Variants in NBAS observed in about 807,000 individuals in gnomAD.
The protein encoded by NBAS is NAG/BC035112 fusion.
A neutral mutation model predicts 302.5 loss-of-function variants in NBAS; 219 were observed. That is an observed-to-expected ratio of 0.72 (90% CI 0.65 to 0.81). The LOEUF is 0.81. NBAS is among the 30% of genes least tolerant of loss of function. The pLI, the probability that NBAS is intolerant of heterozygous loss-of-function variation, is 0.00. For synonymous variants in NBAS, 1,118 were observed against 1,021.6 expected (o/e 1.09, Z -1.80); for missense variants, 2,932 against 2,841.6 (o/e 1.03, Z -0.72).
At chr2:15,452,313 AG>A (rs1328111193) in intron 21 of NBAS, among the ~76,000 whole-genome samples, 1 of 152,220 alleles carries the variant, frequency 6.6e-6, no homozygotes, top group Non-Finnish European at 1.5e-5. Context: ...TATCATGGCC[AG>A]GATGGGCACG....
rs184335971 is a variant in NBAS at position 15,177,974 on chromosome 2, T to C, written c.6840+1014A>G. On this transcript the variant is annotated intron_variant, in intron 51 of 51. Transcript: ENST00000281513. ...TTTGATTTTCTCATTTTATTCATAA[T>C]GATTATTTCCAAATACAATTATATT... 1.7e-3 allele frequency: 550 copies of C among 326,784 alleles called. 2 individuals carry two copies. Among genetic ancestry groups the C allele is most frequent in the Middle Eastern group, 6.8e-3 (17 of 2,514 alleles). 20.2% of individuals were successfully genotyped at this position (326,784 alleles called of 1,614,324 possible).
At chr2:15,546,398 G>C (rs1002644222) in intron 6 of NBAS, among the ~76,000 whole-genome samples, 1 of 152,162 alleles carries the variant, frequency 6.6e-6, no homozygotes, top group African/African-American at 2.4e-5. Flanking sequence ...TGAGGATCCT[G>C]AATCACAATT....
At chr2:15,504,039 C>T (rs1661714228) in intron 11 of NBAS, 106 bp downstream of exon 11, 1 of 841,938 alleles carries the variant, frequency 1.2e-6, no homozygotes, top group Admixed American at 1.8e-5. Context: ...TGAATACACT[C>T]AGATGAAGAT....
chr2:15,499,737 C>A (rs939741368), intron 11 of NBAS, among the ~76,000 whole-genome samples: 1 of 152,036 alleles, frequency 6.6e-6, no homozygotes. Flanking sequence ...ATATAACAAA[C>A]CTGCACAGGT....
intron 44 of NBAS, among the ~76,000 whole-genome samples, chr2:15,273,004 T>C (rs765492011): frequency 7.2e-5 from 11 of 152,188 alleles, no homozygotes; most frequent in Admixed American, 6.5e-5. Flanking sequence ...TAATCATAAA[T>C]AAAAGATTGC....
chr2:15,224,992 G>A (rs955620200), intron 47 of NBAS, among the ~76,000 whole-genome samples: 9 of 152,138 alleles, frequency 5.9e-5, no homozygotes, highest in African/African-American at 1.4e-4. Flanking sequence ...AAATGGTACC[G>A]TAGTAATATA....
chr2:15,114,136 T>C, the NBAS span, among the ~76,000 whole-genome samples: 1 of 152,148 alleles, frequency 6.6e-6, no homozygotes, highest in African/African-American at 2.4e-5. Flanking sequence ...CAAAATAAAT[T>C]ACAAGAAAAT....
intron 23 of NBAS, among the ~76,000 whole-genome samples, chr2:15,419,229 C>G (rs1677089377): frequency 1.3e-5 from 2 of 152,046 alleles, no homozygotes; most frequent in Non-Finnish European, 2.9e-5. Context: ...ATTAAGCAGA[C>G]AGAATTTGTG....
intron 50 of NBAS, among the ~76,000 whole-genome samples, chr2:15,181,385 CT>C (rs2125121976): frequency 6.6e-6 from 1 of 152,328 alleles, no homozygotes. Context: ...CCACTGACTA[CT>C]TTTCATCTCT....
At chr2:15,434,149 A>T (rs1055315639) in intron 21 of NBAS, among the ~76,000 whole-genome samples, 2 of 152,046 alleles carry the variant, frequency 1.3e-5, no homozygotes, top group African/African-American at 4.8e-5. Context: ...TTAATTAAAT[A>T]ACTTCCCAAA....
At chr2:14,860,066 G>A in the NBAS span, among the ~76,000 whole-genome samples, 2 of 151,822 alleles carry the variant, frequency 1.3e-5, no homozygotes, top group East Asian at 1.9e-4. Context: ...ACACACAAAT[G>A]GCCAACAGGT....
chr2:15,374,788 G>T, intron 30 of NBAS, 68 bp from the exon 31 acceptor site: 1 of 1,260,180 alleles, frequency 7.9e-7, no homozygotes, highest in Non-Finnish European at 1.2e-6. Context: ...TCAACACCAT[G>T]AGATCTAACA....
At chr2:15,423,150 ATTCT>A (rs1395880342) in intron 23 of NBAS, among the ~76,000 whole-genome samples, 7 of 152,224 alleles carry the variant, frequency 4.6e-5, no homozygotes, top group Non-Finnish European at 7.3e-5. Context: ...CAAGACGTTC[ATTCT>A]TTCTGTGAAC....
At chr2:15,162,495 ATCAAAG>A (rs1305405529), downstream of NBAS, among the ~76,000 whole-genome samples, 1 of 152,224 alleles carries the variant, frequency 6.6e-6, no homozygotes, top group African/African-American at 2.4e-5. Context: ...TAACACCAGC[ATCAAAG>A]TCAGAGTTAT....
the NBAS span, among the ~76,000 whole-genome samples, chr2:14,883,445 T>G: frequency 6.6e-6 from 1 of 152,116 alleles, no homozygotes; most frequent in Non-Finnish European, 1.5e-5. Flanking sequence ...CAAGAAAATT[T>G]CTCAAGATAG....
At chr2:15,010,168 C>CA in the NBAS span, among the ~76,000 whole-genome samples, 5 of 152,210 alleles carry the variant, frequency 3.3e-5, no homozygotes, top group Admixed American at 3.3e-4. Flanking sequence ...CTGACCCATA[C>CA]AGGAACACCA....
intron 22 of NBAS, among the ~76,000 whole-genome samples, chr2:15,427,176 C>T (rs894036368): frequency 6.6e-6 from 1 of 151,956 alleles, no homozygotes; most frequent in African/African-American, 2.4e-5. Context: ...TCTTGTCTCA[C>T]ATGAAAAAAG....
the NBAS span, among the ~76,000 whole-genome samples, chr2:14,947,239 TAAA>T: frequency 6.6e-6 from 1 of 151,676 alleles, no homozygotes; most frequent in African/African-American, 2.4e-5. Context: ...TTGATTTTCT[TAAA>T]AAGATAAACA....
intron 48 of NBAS, among the ~76,000 whole-genome samples, chr2:15,211,479 T>C (rs1300590367): frequency 6.6e-6 from 1 of 152,370 alleles, no homozygotes; most frequent in East Asian, 1.9e-4. Flanking sequence ...TGCAACTTTT[T>C]TGTAAATCTC....
Sources: gnomAD v4.1 joint callset for allele counts (sites outside exome capture counted in the v4.1 genomes callset) on GRCh38, gnomAD v4.1.1 for gene constraint, MANE v1.5 for transcripts, NCBI Gene and HGNC (gene_info 2026-07-23, HGNC 2026-07-21) for gene names.